The following CFAP299 variants were observed in gnomAD, a reference collection of about 807,000 sequenced individuals.
CFAP299 encodes cilia- and flagella-associated protein 299.
A neutral mutation model predicts 27.0 loss-of-function variants in CFAP299; 21 were observed. That is an observed-to-expected ratio of 0.78 (90% CI 0.55 to 1.12). The LOEUF is 1.12. Among genes scored for constraint, CFAP299 ranks in the 50% most tolerant of loss-of-function variants. The probability of loss-of-function intolerance (pLI) is 0.00; values close to 1 mark genes in which losing one functional copy is unlikely to be tolerated. For missense variants in CFAP299, 310 were observed against 276.6 expected (o/e 1.12, Z -0.86); for synonymous variants, 104 against 98.1 (o/e 1.06, Z -0.36).
At chr4:80,914,706 TA>T (rs1242706529) in intron 4 of CFAP299, among the ~76,000 whole-genome samples, 1 of 152,206 alleles carries the variant, frequency 6.6e-6, no homozygotes, top group African/African-American at 2.4e-5. Context: ...GGAGCTTTGA[TA>T]GTTTGTATCT....
intron 2 of CFAP299, among the ~76,000 whole-genome samples, chr4:80,493,296 G>T (rs1400498358): frequency 6.6e-6 from 1 of 152,150 alleles, no homozygotes; most frequent in Non-Finnish European, 1.5e-5. Context: ...CTCACCGATG[G>T]TGGGTGCACA....
chr4:80,961,564 C>A (rs985877764), intron 5 of CFAP299, among the ~76,000 whole-genome samples: 2 of 151,722 alleles, frequency 1.3e-5, no homozygotes, highest in African/African-American at 4.8e-5. Context: ...GACATTTTAA[C>A]CTAATTCATT....
At chr4:80,899,227 C>A (rs894147359) in intron 4 of CFAP299, among the ~76,000 whole-genome samples, 2 of 152,174 alleles carry the variant, frequency 1.3e-5, no homozygotes, top group African/African-American at 4.8e-5. Flanking sequence ...AGTAAAAATT[C>A]TTCTATTATC....
At chr4:80,623,904 CT>C (rs1174449662) in intron 3 of CFAP299, among the ~76,000 whole-genome samples, 2 of 152,136 alleles carry the variant, frequency 1.3e-5, no homozygotes, top group Non-Finnish European at 2.9e-5. Context: ...CTAGACATCC[CT>C]TGTGGCAGGC....
intron 4 of CFAP299, among the ~76,000 whole-genome samples, chr4:80,890,160 A>C (rs749696339): frequency 2.0e-4 from 30 of 152,272 alleles, no homozygotes; most frequent in Admixed American, 5.2e-4. Context: ...AATAGAGGGC[A>C]TCCAAACTGG....
chr4:80,434,718 T>A (rs1252700057), intron 2 of CFAP299, among the ~76,000 whole-genome samples: 2 of 152,196 alleles, frequency 1.3e-5, no homozygotes, highest in African/African-American at 2.4e-5. Flanking sequence ...TGCCACAATT[T>A]GGGTGCATAA....
chr4:80,744,865 G>A (rs760557241), intron 3 of CFAP299, among the ~76,000 whole-genome samples: 25 of 152,126 alleles, frequency 1.6e-4, no homozygotes, highest in Middle Eastern at 3.4e-3. Flanking sequence ...GGGAGACTTG[G>A]CCACCTTATA....
intron 2 of CFAP299, among the ~76,000 whole-genome samples, chr4:80,541,396 G>A (rs1733988311): frequency 6.6e-6 from 1 of 152,142 alleles, no homozygotes; most frequent in South Asian, 2.1e-4. Flanking sequence ...TTTTAAATGT[G>A]TTAAAGACCT....
At chr4:80,344,548 C>T (rs1335922669) in intron 1 of CFAP299, among the ~76,000 whole-genome samples, 2 of 152,130 alleles carry the variant, frequency 1.3e-5, no homozygotes, top group African/African-American at 4.8e-5. Flanking sequence ...GATGTATTTA[C>T]ACCTGAATTC....
intron 3 of CFAP299, among the ~76,000 whole-genome samples, chr4:80,673,050 A>G (rs1350632237): frequency 6.6e-6 from 1 of 151,362 alleles, no homozygotes; most frequent in African/African-American, 2.4e-5. Flanking sequence ...GCCTTCTGCT[A>G]GCTTTTGAAT....
chr4:80,695,486 A>G (rs1284013658), intron 3 of CFAP299, among the ~76,000 whole-genome samples: 2 of 152,184 alleles, frequency 1.3e-5, no homozygotes, highest in Non-Finnish European at 2.9e-5. Flanking sequence ...TACATGGAGA[A>G]TAAGACCCGA....
At chr4:80,842,939 C>A (rs1385217805) in intron 3 of CFAP299, among the ~76,000 whole-genome samples, 1 of 152,158 alleles carries the variant, frequency 6.6e-6, no homozygotes, top group Admixed American at 6.6e-5. Context: ...CTGCCTGAAA[C>A]AAGAACAAAT....
chr4:80,403,214 A>G (rs1362185613), intron 2 of CFAP299, among the ~76,000 whole-genome samples: 3 of 152,222 alleles, frequency 2.0e-5, no homozygotes, highest in Non-Finnish European at 4.4e-5. Flanking sequence ...TGTGATTTCA[A>G]AATGTTTTAA....
chr4:80,729,576 T>C (rs576954974), intron 3 of CFAP299, among the ~76,000 whole-genome samples: 2 of 151,696 alleles, frequency 1.3e-5, no homozygotes, highest in African/African-American at 4.8e-5. Context: ...CTTATAATTT[T>C]ATGATGCTTC....
At chr4:80,960,132 A>G (rs918154431) in intron 5 of CFAP299, among the ~76,000 whole-genome samples, 2 of 151,590 alleles carry the variant, frequency 1.3e-5, no homozygotes, top group Non-Finnish European at 3.0e-5. Flanking sequence ...AAAGCCTTTC[A>G]TTTAGTAGGC....
chr4:80,606,530 G>GT (rs969072315), intron 3 of CFAP299, among the ~76,000 whole-genome samples: 3 of 151,886 alleles, frequency 2.0e-5, no homozygotes, highest in Non-Finnish European at 4.4e-5. Context: ...GCGAGAATCT[G>GT]TTTTTTTAAA....
At chr4:80,740,437 C>G (rs890280973) in intron 3 of CFAP299, among the ~76,000 whole-genome samples, 1 of 152,174 alleles carries the variant, frequency 6.6e-6, no homozygotes, top group East Asian at 1.9e-4. Context: ...CAGGCAGAGA[C>G]TCTTGTTCTT....
At chr4:80,713,057 G>A (rs1290337797) in intron 3 of CFAP299, among the ~76,000 whole-genome samples, 1 of 151,980 alleles carries the variant, frequency 6.6e-6, no homozygotes, top group Non-Finnish European at 1.5e-5. Context: ...AAGAGATGAT[G>A]TAAAAACTAA....
chr4:80,797,127 C>A (rs1046073480), intron 3 of CFAP299, among the ~76,000 whole-genome samples: 2 of 152,136 alleles, frequency 1.3e-5, no homozygotes, highest in African/African-American at 4.8e-5. Flanking sequence ...CAGTAGTCCT[C>A]AAAATGTCTG....
Sources: gnomAD v4.1 joint callset for allele counts (sites outside exome capture counted in the v4.1 genomes callset) on GRCh38, gnomAD v4.1.1 for gene constraint, MANE v1.5 for transcripts, NCBI Gene and HGNC (gene_info 2026-07-23, HGNC 2026-07-21) for gene names.